Variants in ALKBH8 observed in about 807,000 individuals in gnomAD.
ALKBH8 encodes tRNA (carboxymethyluridine(34)-5-O)-methyltransferase ALKBH8.
In ALKBH8, 36 loss-of-function variants were observed where a neutral mutation model predicts 59.8. That is an observed-to-expected ratio of 0.60 (90% CI 0.46 to 0.79). ALKBH8 has a LOEUF of 0.79. Among genes scored for constraint, ALKBH8 ranks in the 30% least tolerant of loss-of-function variants. ALKBH8 has a pLI of 0.00. For missense variants in ALKBH8, 768 were observed against 801.0 expected (o/e 0.96, Z 0.50); for synonymous variants, 276 against 273.6 (o/e 1.01, Z -0.09).
intron 10 of ALKBH8, among the ~76,000 whole-genome samples, chr11:107,511,567 CA>C (rs1565313147): frequency 6.6e-6 from 1 of 151,582 alleles, no homozygotes; most frequent in South Asian, 2.1e-4. Flanking sequence ...AAATCCCCCC[CA>C]AAAAAAATCA....
intron 11 of ALKBH8, among the ~76,000 whole-genome samples, chr11:107,507,893 C>T (rs185339737): frequency 6.4e-4 from 98 of 152,236 alleles, no homozygotes; most frequent in African/African-American, 2.0e-3. Context: ...AAAATCTTAT[C>T]TTCTACCCTA....
At chr11:107,511,251 A>T (rs1862611604) in intron 10 of ALKBH8, among the ~76,000 whole-genome samples, 1 of 152,152 alleles carries the variant, frequency 6.6e-6, no homozygotes, top group Non-Finnish European at 1.5e-5. Context: ...TATCAAACAG[A>T]ACTCCAATTA....
At chr11:107,508,327 T>A (rs1230725442) in intron 11 of ALKBH8, among the ~76,000 whole-genome samples, 1 of 152,016 alleles carries the variant, frequency 6.6e-6, no homozygotes, top group African/African-American at 2.4e-5. Context: ...CATGCGCCAA[T>A]CAACCCAGAT....
At chr11:107,536,416 C>T (rs953308036) in intron 7 of ALKBH8, among the ~76,000 whole-genome samples, 4 of 152,116 alleles carry the variant, frequency 2.6e-5, no homozygotes, top group East Asian at 1.9e-4. Context: ...TAGAAGAATA[C>T]GGAATGACAG....
chr11:107,553,300 T>C (rs895649895), intron 4 of ALKBH8, 97 bp from the exon 5 acceptor site: 2 of 667,164 alleles, frequency 3.0e-6, no homozygotes, highest in African/African-American at 1.9e-5. Flanking sequence ...AGTTTAGTAA[T>C]GGCAACTTCT....
chr11:107,515,234 A>G (rs150160523), intron 10 of ALKBH8, among the ~76,000 whole-genome samples: 51 of 152,358 alleles, frequency 3.3e-4, no homozygotes, highest in African/African-American at 1.2e-3. Context: ...ATGTTGCATC[A>G]TGTCAACAGG....
At chr11:107,538,909 T>C (rs1042952838) in intron 7 of ALKBH8, among the ~76,000 whole-genome samples, 10 of 152,134 alleles carry the variant, frequency 6.6e-5, no homozygotes, top group African/African-American at 2.2e-4. Flanking sequence ...TGAAAAACGA[T>C]GTGTGATTCA....
At chr11:107,532,768 C>A (rs560611911) in intron 7 of ALKBH8, among the ~76,000 whole-genome samples, 1 of 152,120 alleles carries the variant, frequency 6.6e-6, no homozygotes, top group East Asian at 1.9e-4. Context: ...ACACTCATAT[C>A]CTGGCTCTTC....
At chr11:107,547,345 A>G (rs1864303610) in intron 7 of ALKBH8, among the ~76,000 whole-genome samples, 1 of 152,318 alleles carries the variant, frequency 6.6e-6, no homozygotes, top group Admixed American at 6.5e-5. Flanking sequence ...AAGAGTGGAA[A>G]GTCATCTCTC....
rs373359951 is a variant in ALKBH8 at position 107,513,332 on chromosome 11, CA to C, written c.1288-2297del. Among the ~76,000 whole-genome samples, 310 of 152,226 alleles carry C rather than the reference CA, an allele frequency of 2.0e-3. 2 individuals carry two copies. Among genetic ancestry groups the C allele is most frequent in the African/African-American group, 7.2e-3 (299 of 41,546 alleles). ...CAGTAATCATTAGAGAAATGTAAAT[CA>C]AAACCACAATGAGATACCATCTCAG... is the stretch of plus-strand genomic sequence containing the variant. On this transcript the variant is annotated intron_variant, in intron 10 of 11. Coordinates refer to ENST00000428149, the MANE Select transcript of ALKBH8 (RefSeq NM_138775.3).
chr11:107,549,530 AAAAT>A (rs1304361855), intron 7 of ALKBH8, among the ~76,000 whole-genome samples: 1 of 152,238 alleles, frequency 6.6e-6, no homozygotes, highest in Non-Finnish European at 1.5e-5. Flanking sequence ...TTTCGTGTAA[AAAAT>A]TAAATTTCAA....
At chr11:107,527,703 T>G (rs893352558) in intron 8 of ALKBH8, among the ~76,000 whole-genome samples, 1 of 152,064 alleles carries the variant, frequency 6.6e-6, no homozygotes, top group Non-Finnish European at 1.5e-5. Flanking sequence ...TTATTAGTTC[T>G]GGAACTTGTA....
rs1278747944 is a variant in ALKBH8 at position 107,511,024 on chromosome 11, G to C, written c.1300C>G (p.Arg434Gly). 2.6e-6 allele frequency: 4 copies of C among 1,551,680 alleles called. No individual in the cohort carries two copies. The highest frequency in any genetic ancestry group is 3.5e-6 in the Non-Finnish European group (4 of 1,146,962). The stretch of plus-strand genomic sequence containing the variant: ...CAAATGTCCACAAGGTTTTGGCTAC[G>C]ATCACAACCAATCTGTAACAGAGAA... Reference protein sequence around the residue: ...NKELYMIGCDRSQNLVDICRE... With the variant: ...NKELYMIGCDGSQNLVDICRE... The change falls in exon 11 of 12, where the codon CGT becomes GGT. Residue 434 changes from arginine (R) to glycine (G), a missense_variant. Transcript: ENST00000428149.
intron 8 of ALKBH8, 71 bp downstream of exon 8, chr11:107,532,229 C>T: frequency 1.6e-6 from 2 of 1,276,018 alleles, no homozygotes; most frequent in Admixed American, 4.1e-5. Context: ...GGGCATGGTC[C>T]CCGTGGCTCA....
Position 107,522,537 on chromosome 11 carries a change from T to G in ALKBH8, c.1049A>C (p.Asp350Ala). The G allele has an allele frequency of 6.4e-7, 1 of 1,551,466 alleles. No homozygotes were observed. The highest frequency in any genetic ancestry group is 8.7e-7 in the Non-Finnish European group (1 of 1,146,936). The part of the protein sequence containing the change: ...PCNCSYPLVC[D>A]SQRKETPPSF... ...GGGGGGAGTCTCTTTCCTCTGGCTATCACAGACCAACGGGTAACCTTAATG... is the reference window on the plus strand; with the variant it reads ...GGGGGGAGTCTCTTTCCTCTGGCTAGCACAGACCAACGGGTAACCTTAATG... The change falls in exon 10 of 12, where the codon GAT becomes GCT. Residue 350 changes from aspartate (D) to alanine (A), a missense_variant. Physicochemically the swap from Asp to Ala is moderately radical, Grantham distance 126. Coordinates refer to ENST00000428149, the MANE Select transcript of ALKBH8 (RefSeq NM_138775.3).
intron 10 of ALKBH8, among the ~76,000 whole-genome samples, chr11:107,512,611 C>T (rs993655272): frequency 1.3e-5 from 2 of 152,142 alleles, no homozygotes; most frequent in Non-Finnish European, 2.9e-5. Context: ...CTGCACCAGG[C>T]CACAAGAAAT....
intron 7 of ALKBH8, among the ~76,000 whole-genome samples, chr11:107,543,013 G>A (rs968701712): frequency 6.6e-6 from 1 of 152,202 alleles, no homozygotes; most frequent in Admixed American, 6.5e-5. Flanking sequence ...CCGTATGGGA[G>A]AATGACAGTG....
rs1863151436 is a variant in ALKBH8, at chr11:107,522,372, G to A, written c.1214C>T (p.Pro405Leu). 6 of 1,551,482 alleles carry A rather than the reference G, an allele frequency of 3.9e-6. No homozygotes were observed. The highest frequency in any genetic ancestry group is 5.2e-6 in the Non-Finnish European group (6 of 1,146,962). The change falls in exon 10 of 12, where the codon CCA (proline) becomes CTA (leucine). Residue 405 changes from proline (P) to leucine (L), a missense_variant. Physicochemically the swap from Pro to Leu is moderately conservative, Grantham distance 98 (BLOSUM62 -3). Transcript: ENST00000428149. ...PHIVEFLKAL[P>L]SGSIVADIGC... ...AATATCAGCCACTATTGAACCACTT[G>A]GCAAAGCCTTCAAAAACTCCACAAT...
intron 10 of ALKBH8, among the ~76,000 whole-genome samples, chr11:107,518,136 A>G (rs1254383506): frequency 6.6e-6 from 1 of 152,222 alleles, no homozygotes; most frequent in Non-Finnish European, 1.5e-5. Context: ...TATATATCAG[A>G]ATATAAATGA....
Sources: gnomAD v4.1 joint callset for allele counts (sites outside exome capture counted in the v4.1 genomes callset) on GRCh38, gnomAD v4.1.1 for gene constraint, MANE v1.5 for transcripts, NCBI Gene and HGNC (gene_info 2026-07-23, HGNC 2026-07-21) for gene names.